Variants in TRHDE observed in about 807,000 individuals in gnomAD.
TRHDE encodes thyrotropin-releasing hormone-degrading ectoenzyme.
In TRHDE, 72 loss-of-function variants were observed where a neutral mutation model predicts 125.7. The observed-to-expected ratio is 0.57, with a 90% CI of 0.47 to 0.70. The LOEUF is 0.70. Among genes scored for constraint, TRHDE ranks in the 30% least tolerant of loss-of-function variants. TRHDE has a pLI of 0.00. For synonymous variants in TRHDE, 509 were observed against 509.1 expected, an observed-to-expected ratio of 1.00 and a Z score of 0.00; for missense variants, 1,110 against 1,327.1, an observed-to-expected ratio of 0.84 and a Z score of 2.54.
intron 12 of TRHDE, among the ~76,000 whole-genome samples, chr12:72,607,265 G>A (rs1328625786): frequency 6.6e-6 from 1 of 152,044 alleles, no homozygotes; most frequent in African/African-American, 2.4e-5. Context: ...TGAATCTAGA[G>A]GCTTGATCCA....
At chr12:72,485,725 G>T (rs1236562477) in intron 5 of TRHDE, among the ~76,000 whole-genome samples, 1 of 152,166 alleles carries the variant, frequency 6.6e-6, no homozygotes, top group Non-Finnish European at 1.5e-5. Flanking sequence ...GACCCATGTA[G>T]CCACATTTTA....
At chr12:72,379,070 T>C (rs1346374238) in intron 3 of TRHDE, among the ~76,000 whole-genome samples, 3 of 152,224 alleles carry the variant, frequency 2.0e-5, no homozygotes, top group Admixed American at 6.5e-5. Flanking sequence ...AAGGTATTTC[T>C]CATTGGCAAG....
At chr12:72,275,911 TC>T (rs1324910120) in intron 1 of TRHDE, among the ~76,000 whole-genome samples, 3 of 152,142 alleles carry the variant, frequency 2.0e-5, no homozygotes, top group Non-Finnish European at 4.4e-5. Flanking sequence ...GTTCTGAAAA[TC>T]CCAGGATTGT....
At chr12:72,115,364 C>G (rs1265127766) in intron 2 of TRHDE, among the ~76,000 whole-genome samples, 3 of 151,944 alleles carry the variant, frequency 2.0e-5, no homozygotes, top group Admixed American at 2.0e-4. Context: ...CATGTTGTTG[C>G]AAATAACAGG....
rs567038437 is a variant in TRHDE at position 72,607,749 on chromosome 12, T to C, written c.2322-11142T>C. On this transcript the variant is annotated intron_variant, in intron 12 of 18. Coordinates refer to ENST00000261180, the MANE Select transcript of TRHDE (RefSeq NM_013381.3). ...AACTTTGGCCAGGAGGTTCTTTAAG[T>C]TGGTTTTAGAGCACAGATTAAATGT... Among the ~76,000 whole-genome samples the C allele has an allele frequency of 1.1e-4, 16 of 152,274 alleles. 1 individual carries two copies. The South Asian group carries it at 3.3e-3, about 32-fold the overall frequency.
Position 72,562,981 on chromosome 12 carries a change from A to G in TRHDE, c.1983A>G (p.Gln661=). 1 of 1,610,366 alleles carries G rather than the reference A, an allele frequency of 6.2e-7. No homozygotes were observed. Among genetic ancestry groups the G allele is most frequent in the Non-Finnish European group, 8.5e-7 (1 of 1,178,354 alleles). ...CAGAAAATAGAATAATAATTACCCA[A>G]CAGCATTTTATCTATGATATCAGTG... The part of the protein sequence containing the change: ...TTAENRIIIT[Q]QHFIYDISAK... The change falls in exon 9 of 19, where the codon CAA becomes CAG. Residue 661 remains glutamine, a synonymous_variant. Coordinates refer to ENST00000261180, the MANE Select transcript of TRHDE (RefSeq NM_013381.3).
chr12:72,139,666 C>G (rs1387564838), intron 2 of TRHDE, among the ~76,000 whole-genome samples: 1 of 152,158 alleles, frequency 6.6e-6, no homozygotes, highest in East Asian at 1.9e-4. Context: ...AGTAAGCTGA[C>G]ATTGAGATCA....
At chr12:72,150,409 T>A (rs1053696212) in intron 2 of TRHDE, among the ~76,000 whole-genome samples, 7 of 151,754 alleles carry the variant, frequency 4.6e-5, no homozygotes, top group African/African-American at 1.5e-4. Flanking sequence ...TTTTTTTTTT[T>A]AATTTTACTT....
intron 2 of TRHDE, among the ~76,000 whole-genome samples, chr12:72,195,759 C>T (rs1877428648): frequency 6.6e-6 from 1 of 151,952 alleles, no homozygotes; most frequent in South Asian, 2.1e-4. Context: ...TTGTTTTTGT[C>T]ATAATTGCTT....
At chr12:72,472,037 C>T (rs1876672208) in intron 4 of TRHDE, among the ~76,000 whole-genome samples, 1 of 152,198 alleles carries the variant, frequency 6.6e-6, no homozygotes, top group African/African-American at 2.4e-5. Flanking sequence ...CTGGCTGTCC[C>T]TTATCATGGA....
chr12:72,489,081 C>A (rs898829429), intron 5 of TRHDE, among the ~76,000 whole-genome samples: 1 of 151,466 alleles, frequency 6.6e-6, no homozygotes, highest in Non-Finnish European at 1.5e-5. Flanking sequence ...TAACATTACA[C>A]TTCAAGGAAT....
intron 2 of TRHDE, 98 bp downstream of exon 2, chr12:72,287,052 A>T: frequency 8.0e-7 from 1 of 1,246,856 alleles, no homozygotes; most frequent in Non-Finnish European, 1.1e-6. Context: ...ACCTTTTTAC[A>T]CCTTATATAG....
intron 6 of TRHDE, among the ~76,000 whole-genome samples, chr12:72,500,264 T>G (rs1296132810): frequency 2.6e-5 from 4 of 152,214 alleles, no homozygotes; most frequent in Non-Finnish European, 4.4e-5. Flanking sequence ...TCTTAGTTGT[T>G]CTAATTTTAA....
At chr12:72,598,508 C>G (rs1464763761) in intron 12 of TRHDE, among the ~76,000 whole-genome samples, 1 of 152,124 alleles carries the variant, frequency 6.6e-6, no homozygotes, top group Non-Finnish European at 1.5e-5. Context: ...GCATAGATCT[C>G]TATATCAAGT....
chr12:72,652,420 C>T lies in TRHDE; in HGVS notation c.2774C>T (p.Thr925Ile). 1 of 1,608,096 alleles carries T rather than the reference C, an allele frequency of 6.2e-7. No individual in the cohort carries two copies. The highest frequency in any genetic ancestry group is 8.5e-7 in the Non-Finnish European group (1 of 1,176,790). Reference protein sequence around the residue: ...EFIWMKFHSTTAVSEKKILLE... With the variant: ...EFIWMKFHSTIAVSEKKILLE... Reference sequence around the variant, plus strand: ...ATATGGATGAAATTCCATTCCACCACAGCAGTTTCTGAGAAGAAAATATTA... The same window carrying T: ...ATATGGATGAAATTCCATTCCACCATAGCAGTTTCTGAGAAGAAAATATTA... Residue 925 changes from threonine (T) to isoleucine (I), a missense_variant, in exon 16 of 19, where the codon ACA becomes ATA. Thr to Ile is a moderately conservative substitution (Grantham distance 89). Coordinates refer to ENST00000261180, the MANE Select transcript of TRHDE (RefSeq NM_013381.3).
intron 15 of TRHDE, among the ~76,000 whole-genome samples, chr12:72,647,621 A>C (rs1365575005): frequency 6.6e-6 from 1 of 152,104 alleles, no homozygotes; most frequent in Non-Finnish European, 1.5e-5. Flanking sequence ...AGACATAAAG[A>C]GGATCAAAAG....
intron 1 of TRHDE, among the ~76,000 whole-genome samples, chr12:72,093,575 A>G (rs1318954308): frequency 6.6e-6 from 1 of 151,746 alleles, no homozygotes; most frequent in African/African-American, 2.4e-5. Flanking sequence ...TGAGTTCTTA[A>G]TTCTTTCTTC....
rs993126071 is a variant in TRHDE at position 72,294,014 on chromosome 12, G to A, written c.1188+7060G>A. Among the ~76,000 whole-genome samples, 7 of 152,274 alleles carry A rather than the reference G, an allele frequency of 4.6e-5. No individual in the cohort carries two copies. The South Asian group carries it at 6.2e-4, about 14-fold the overall frequency. On this transcript the variant is annotated intron_variant, in intron 2 of 18. Coordinates refer to ENST00000261180, the MANE Select transcript of TRHDE (RefSeq NM_013381.3). ...GCACTGGACCAGGTGCACCACAAGC[G>A]GCTTTCATGGCTGGTACTGGGGAAT... is the stretch of plus-strand genomic sequence containing the variant.
chr12:72,388,009 A>G (rs1300893831), intron 3 of TRHDE, among the ~76,000 whole-genome samples: 2 of 152,024 alleles, frequency 1.3e-5, no homozygotes, highest in African/African-American at 4.8e-5. Context: ...AAGACCCTGC[A>G]TGCTTGCCCC....
Sources: allele counts gnomAD v4.1 joint callset (sites outside exome capture counted in the v4.1 genomes callset), GRCh38; gene constraint gnomAD v4.1.1; transcripts MANE v1.5; gene names NCBI Gene and HGNC (gene_info 2026-07-23, HGNC 2026-07-21).